Variants in SLC30A7 observed in about 807,000 individuals in gnomAD.
SLC30A7 encodes solute carrier family 30 member 7.
Under a neutral mutation model 46.0 loss-of-function variants are expected in SLC30A7, and 35 were observed. That is an observed-to-expected ratio of 0.76 (90% CI 0.58 to 1.01). The LOEUF is 1.01. Ranked by LOEUF, SLC30A7 falls within the 50% of genes least tolerant of loss-of-function variation. The probability of loss-of-function intolerance (pLI) is 0.00; values close to 1 mark genes in which losing one functional copy is unlikely to be tolerated. For missense variants in SLC30A7, 464 were observed against 451.1 expected (o/e 1.03, Z -0.26); for synonymous variants, 147 against 157.8 (o/e 0.93, Z 0.51).
intron 10 of SLC30A7, chr1:100,972,664 T>A (rs1250775726): frequency 6.6e-6 from 1 of 152,198 alleles, no homozygotes; most frequent in Non-Finnish European, 1.5e-5. Flanking sequence ...CAATATTTGT[T>A]TCCTCTTATG....
intron 2 of SLC30A7, among the ~76,000 whole-genome samples, chr1:100,897,283 G>GT (rs957133781): frequency 2.0e-5 from 3 of 151,570 alleles, no homozygotes; most frequent in South Asian, 4.2e-4. Flanking sequence ...GAGGGTTTTT[G>GT]TTTTTTTTGA....
chr1:100,955,674 T>C (rs1303978606), intron 8 of SLC30A7, among the ~76,000 whole-genome samples: 1 of 152,126 alleles, frequency 6.6e-6, no homozygotes, highest in Non-Finnish European at 1.5e-5. Flanking sequence ...AGATCCAAGC[T>C]AAAATCTGGT....
At chr1:100,968,925 G>A (rs1656006086) in intron 10 of SLC30A7, among the ~76,000 whole-genome samples, 1 of 152,128 alleles carries the variant, frequency 6.6e-6, no homozygotes. Flanking sequence ...AAATATCGTT[G>A]GGTTCCCATT....
chr1:100,971,719 CAGTT>C (rs1656170257), intron 10 of SLC30A7, among the ~76,000 whole-genome samples: 1 of 152,094 alleles, frequency 6.6e-6, no homozygotes, highest in African/African-American at 2.4e-5. Context: ...AATTTAGTCA[CAGTT>C]ACTCATTATT....
At position 100,903,921 on chromosome 1, in the gene SLC30A7, G is replaced by A. The variant is rs529647599; in HGVS notation, c.183-2931G>A. 1.9e-4 allele frequency among the ~76,000 whole-genome samples: 29 copies of A among 152,028 alleles called. No individual in the cohort carries two copies. The East Asian group carries it at 4.8e-3, about 25-fold the overall frequency. ...TATTAAGAGGTATGGGTTGTGCTTG[G>A]GAACACCAGGTATTATAAGCATTAA... On this transcript the variant is annotated intron_variant, in intron 2 of 10. Transcript: ENST00000357650.
chr1:100,990,181 A>C, the SLC30A7 span: 10 of 526,190 alleles, frequency 1.9e-5, no homozygotes, highest in African/African-American at 1.9e-4. Flanking sequence ...TGAGAATGAG[A>C]GCCAGTAGGG....
chr1:100,951,209 G>A (rs561020069), intron 8 of SLC30A7, among the ~76,000 whole-genome samples: 4 of 152,272 alleles, frequency 2.6e-5, no homozygotes, highest in Admixed American at 2.6e-4. Flanking sequence ...GAAAAGGGGT[G>A]CGAAGCAGGG....
chr1:100,965,259 T>A (rs1387483487), intron 9 of SLC30A7, among the ~76,000 whole-genome samples: 1 of 152,204 alleles, frequency 6.6e-6, no homozygotes, highest in Non-Finnish European at 1.5e-5. Flanking sequence ...CACATTGAGC[T>A]TTTTTCTTTT....
intron 7 of SLC30A7, among the ~76,000 whole-genome samples, chr1:100,918,744 C>G (rs1242526609): frequency 6.6e-6 from 1 of 152,078 alleles, no homozygotes; most frequent in East Asian, 1.9e-4. Context: ...TGTTGAATAT[C>G]TCATGTAATT....
chr1:100,933,685 C>A lies in SLC30A7; in HGVS notation c.842+11844C>A, dbSNP rs529335811. 8.5e-5 allele frequency among the ~76,000 whole-genome samples: 13 copies of A among 152,158 alleles called. No homozygotes were observed. In the South Asian group the frequency reaches 2.5e-3, roughly 29 times the overall value. ...TGCGGTGTTTGGTTTTTTGTCCTTG[C>A]GATAGTTTGTTGAGAATGGTGGTTT... On this transcript the variant is annotated intron_variant, in intron 8 of 10. Transcript: ENST00000357650.
intron 9 of SLC30A7, among the ~76,000 whole-genome samples, chr1:100,964,349 CATATACATATGTATATGTAT>C (rs1263514981): frequency 9.3e-6 from 1 of 107,954 alleles, no homozygotes; most frequent in Admixed American, 8.8e-5. Context: ...GTTATATATA[CATATACATATGTATATGTAT>C]ATATAACATA....
intron 10 of SLC30A7, among the ~76,000 whole-genome samples, chr1:100,967,319 C>G (rs1655921651): frequency 6.6e-6 from 1 of 151,978 alleles, no homozygotes; most frequent in Non-Finnish European, 1.5e-5. Context: ...TGAAACTGTT[C>G]CACCTCAGAT....
At position 100,911,119 on chromosome 1, in the gene SLC30A7, C is replaced by A. The variant is rs1393540807; in HGVS notation, c.353C>A (p.Thr118Asn). ...GFVNGLFLIFTAFFIFSEGVE... is the reference protein window; with the variant it reads ...GFVNGLFLIFNAFFIFSEGVE... ...GTCAATGGCCTATTTTTGATCTTCACTGCTTTTTTTATTTTCTCAGAAGGA... is the reference window on the plus strand; with the variant it reads ...GTCAATGGCCTATTTTTGATCTTCAATGCTTTTTTTATTTTCTCAGAAGGA... The change falls in exon 4 of 11, where the codon ACT becomes AAT. Residue 118 changes from threonine (T) to asparagine (N), a missense_variant. By Grantham distance (65) the Thr-to-Asn change is moderately conservative. Transcript: ENST00000357650. 6.2e-7 allele frequency: 1 copy of A among 1,611,094 alleles called. No homozygotes were observed. Among genetic ancestry groups the A allele is most frequent in the African/African-American group, 1.3e-5 (1 of 74,940 alleles).
intron 6 of SLC30A7, among the ~76,000 whole-genome samples, chr1:100,917,443 A>C (rs76861341): frequency 0.019 from 2,950 of 152,308 alleles, 49 homozygotes; most frequent in Non-Finnish European, 0.033. Flanking sequence ...AGTTGTGATC[A>C]GAAAGCTTGT....
intron 2 of SLC30A7, among the ~76,000 whole-genome samples, chr1:100,898,535 A>G (rs1164146153): frequency 6.6e-6 from 1 of 152,122 alleles, no homozygotes; most frequent in Non-Finnish European, 1.5e-5. Flanking sequence ...TACTTAGTTC[A>G]TTTAGCACGT....
chr1:100,937,127 C>G (rs925500375), intron 8 of SLC30A7, among the ~76,000 whole-genome samples: 18 of 152,062 alleles, frequency 1.2e-4, no homozygotes, highest in African/African-American at 4.1e-4. Flanking sequence ...CTCAGTATTC[C>G]TAAGAAATAA....
chr1:100,939,429 C>T (rs964658255), intron 8 of SLC30A7, among the ~76,000 whole-genome samples: 1 of 152,064 alleles, frequency 6.6e-6, no homozygotes, highest in African/African-American at 2.4e-5. Flanking sequence ...TCAGTAGCAA[C>T]AACAAAGATA....
chr1:100,982,414 C>G (rs949482540), downstream of SLC30A7, among the ~76,000 whole-genome samples: 2 of 152,144 alleles, frequency 1.3e-5, no homozygotes, highest in African/African-American at 4.8e-5. Context: ...AGTGGCTTCT[C>G]GTCACATTCA....
intron 3 of SLC30A7, among the ~76,000 whole-genome samples, chr1:100,907,440 C>T (rs1421801999): frequency 1.3e-5 from 2 of 152,116 alleles, no homozygotes; most frequent in African/African-American, 4.8e-5. Context: ...CATCTGTATG[C>T]TGAAGGGACT....
Sources: allele counts gnomAD v4.1 joint callset (sites outside exome capture counted in the v4.1 genomes callset), GRCh38; gene constraint gnomAD v4.1.1; transcripts MANE v1.5; gene names NCBI Gene and HGNC (gene_info 2026-07-23, HGNC 2026-07-21).